The following SLC25A13 variants were observed in gnomAD, a reference collection of about 807,000 sequenced individuals.
SLC25A13 encodes solute carrier family 25 member 13.
SLC25A13 carries 70 observed loss-of-function variants against 85.5 expected under a neutral mutation model. The observed-to-expected ratio is 0.82, with a 90% CI of 0.68 to 1.00. SLC25A13 has a LOEUF of 1.00. Ranked by LOEUF, SLC25A13 falls within the 50% of genes least tolerant of loss-of-function variation. SLC25A13 has a pLI of 0.00. For synonymous variants in SLC25A13, 259 were observed against 288.7 expected (o/e 0.90, Z 1.04); for missense variants, 765 against 819.8 (o/e 0.93, Z 0.82).
At chr7:96,240,980 AGAGGGGAGGGGAGGG>A (rs1193179185) in intron 3 of SLC25A13, among the ~76,000 whole-genome samples, 2 of 14,598 alleles carry the variant, frequency 1.4e-4, no homozygotes, top group Non-Finnish European at 2.5e-4. Flanking sequence ...AAAGGAGAGG[AGAGGGGAGGGGAGGG>A]GAGGGGAGGG....
intron 4 of SLC25A13, among the ~76,000 whole-genome samples, chr7:96,209,347 A>AACACACACAC (rs760463709): frequency 2.2e-3 from 58 of 26,282 alleles, no homozygotes; most frequent in South Asian, 5.9e-3. Context: ...GTGGCAGGAA[A>AACACACACAC]ACACATACAC....
chr7:96,134,806 TATATATAA>T (rs1792199796), intron 14 of SLC25A13, among the ~76,000 whole-genome samples: 1 of 144,824 alleles, frequency 6.9e-6, no homozygotes, highest in African/African-American at 2.6e-5. Context: ...TATATATATA[TATATATAA>T]CCCTGAGGAA....
At chr7:96,250,942 C>T (rs1301817256) in intron 3 of SLC25A13, among the ~76,000 whole-genome samples, 1 of 152,028 alleles carries the variant, frequency 6.6e-6, no homozygotes, top group Admixed American at 6.6e-5. Flanking sequence ...TGGAGTGCTA[C>T]TATGTGCCAG....
chr7:96,278,706 T>C (rs1455845064), intron 2 of SLC25A13, among the ~76,000 whole-genome samples: 1 of 152,226 alleles, frequency 6.6e-6, no homozygotes, highest in Non-Finnish European at 1.5e-5. Context: ...TTCTATAGTA[T>C]TGTCTTACAG....
intron 3 of SLC25A13, among the ~76,000 whole-genome samples, chr7:96,237,084 T>A (rs941438435): frequency 1.3e-5 from 2 of 152,116 alleles, no homozygotes; most frequent in African/African-American, 4.8e-5. Context: ...TTTCAGCCAA[T>A]CACTAATCAC....
intron 16 of SLC25A13, 42 bp downstream of exon 16, chr7:96,121,797 C>T (rs2116383531): frequency 6.2e-7 from 1 of 1,614,020 alleles, no homozygotes; most frequent in South Asian, 1.1e-5. Flanking sequence ...TAAAAATTTA[C>T]CTGATACCAA....
rs113231857 is a variant in SLC25A13 at position 96,127,901 on chromosome 7, T to C, written c.1591+3842A>G. Among the ~76,000 whole-genome samples, 493 of 152,332 alleles carry C rather than the reference T, an allele frequency of 3.2e-3. 1 individual carries two copies. The highest frequency in any genetic ancestry group is 0.011 in the African/African-American group (462 of 41,580). On this transcript the variant is annotated intron_variant, in intron 15 of 17. Coordinates refer to ENST00000265631, the MANE Select transcript of SLC25A13 (RefSeq NM_014251.3). The stretch of plus-strand genomic sequence containing the variant: ...GTATCCTCTCCCTAAGAAATGCCTT[T>C]GCTCTTCTTGGCAACCACAAAGGGA...
chr7:96,289,620 T>A (rs575958003), intron 2 of SLC25A13, among the ~76,000 whole-genome samples: 2 of 152,238 alleles, frequency 1.3e-5, no homozygotes, highest in South Asian at 4.2e-4. Context: ...ATGCACAAGC[T>A]TCAGTAGCCG....
intron 13 of SLC25A13, among the ~76,000 whole-genome samples, chr7:96,165,488 C>T (rs942400431): frequency 2.0e-5 from 3 of 152,084 alleles, no homozygotes; most frequent in African/African-American, 4.8e-5. Flanking sequence ...CAGTATCTGC[C>T]GCATTCCAAC....
intron 11 of SLC25A13, among the ~76,000 whole-genome samples, chr7:96,180,420 C>T (rs1238562059): frequency 6.6e-6 from 1 of 152,170 alleles, no homozygotes; most frequent in Non-Finnish European, 1.5e-5. Context: ...CAGATCACTG[C>T]ATCCTCCTGG....
chr7:96,125,917 G>A (rs1160181421), intron 15 of SLC25A13, among the ~76,000 whole-genome samples: 1 of 151,662 alleles, frequency 6.6e-6, no homozygotes, highest in Non-Finnish European at 1.5e-5. Flanking sequence ...ATCTCTCTGA[G>A]GACTCTAATT....
chr7:96,164,387 G>A (rs777413653), intron 13 of SLC25A13, among the ~76,000 whole-genome samples: 1 of 152,130 alleles, frequency 6.6e-6, no homozygotes, highest in Non-Finnish European at 1.5e-5. Context: ...TGAAACCATG[G>A]GAAAGAGACA....
chr7:96,166,445 CA>C (rs1358912018), intron 13 of SLC25A13, among the ~76,000 whole-genome samples: 1 of 151,972 alleles, frequency 6.6e-6, no homozygotes, highest in South Asian at 2.1e-4. Flanking sequence ...ATTTTCAGGC[CA>C]AATAAATTAA....
At chr7:96,251,696 G>A (rs1236909456) in intron 3 of SLC25A13, among the ~76,000 whole-genome samples, 2 of 152,206 alleles carry the variant, frequency 1.3e-5, no homozygotes, top group African/African-American at 2.4e-5. Context: ...AACTGATTGA[G>A]TCGTACTATT....
At chr7:96,299,494 GC>G (rs1799476181) in intron 1 of SLC25A13, among the ~76,000 whole-genome samples, 1 of 152,318 alleles carries the variant, frequency 6.6e-6, no homozygotes, top group South Asian at 2.1e-4. Context: ...AGCTCAGAAA[GC>G]ATCAATTATT....
chr7:96,301,743 C>T (rs948386173), intron 1 of SLC25A13, among the ~76,000 whole-genome samples: 13 of 151,936 alleles, frequency 8.6e-5, no homozygotes, highest in Non-Finnish European at 1.5e-4. Context: ...ATCCTCCCAC[C>T]TCAGCCTCCT....
At chr7:96,170,626 C>CATTA (rs1284297256) in intron 12 of SLC25A13, among the ~76,000 whole-genome samples, 1 of 152,064 alleles carries the variant, frequency 6.6e-6, no homozygotes, top group African/African-American at 2.4e-5. Context: ...ACATAAATTA[C>CATTA]ATTAATTAAT....
At chr7:96,308,586 G>C (rs1799843990) in intron 1 of SLC25A13, among the ~76,000 whole-genome samples, 1 of 152,166 alleles carries the variant, frequency 6.6e-6, no homozygotes, top group African/African-American at 2.4e-5. Context: ...AAAGGAGAGA[G>C]AGAGAATTTC....
chr7:96,226,011 C>CT (rs542714952), intron 4 of SLC25A13, among the ~76,000 whole-genome samples: 102 of 147,718 alleles, frequency 6.9e-4, no homozygotes, highest in South Asian at 2.3e-3. Flanking sequence ...AAAATAAAAT[C>CT]TTTTTTTTTT....
Sources: allele counts gnomAD v4.1 joint callset (sites outside exome capture counted in the v4.1 genomes callset), GRCh38; gene constraint gnomAD v4.1.1; transcripts MANE v1.5; gene names NCBI Gene and HGNC (gene_info 2026-07-23, HGNC 2026-07-21).